The following FAM117A variants were observed in gnomAD, a reference collection of about 807,000 sequenced individuals.
FAM117A encodes protein FAM117A.
Under a neutral mutation model 44.1 loss-of-function variants are expected in FAM117A, and 21 were observed. The observed-to-expected ratio is 0.48, with a 90% CI of 0.34 to 0.69. The LOEUF is 0.69. Among genes scored for constraint, FAM117A ranks in the 30% least tolerant of loss-of-function variants. The probability of loss-of-function intolerance (pLI) is 0.01; values close to 1 mark genes in which losing one functional copy is unlikely to be tolerated. For missense variants in FAM117A, 498 were observed against 589.9 expected, an observed-to-expected ratio of 0.84 and a Z score of 1.61; for synonymous variants, 220 against 238.3, an observed-to-expected ratio of 0.92 and a Z score of 0.71.
chr17:49,764,438 C>A (rs935505199), upstream of FAM117A, among the ~76,000 whole-genome samples: 3 of 151,572 alleles, frequency 2.0e-5, no homozygotes, highest in African/African-American at 7.3e-5. Context: ...CACACCCAGT[C>A]CCAGGTAGTA....
chr17:49,773,910 C>T (rs891929007), intron 1 of FAM117A, among the ~76,000 whole-genome samples: 7 of 152,044 alleles, frequency 4.6e-5, no homozygotes, highest in Admixed American at 3.3e-4. Context: ...TGCGCCACCA[C>T]GCCCAGCTAA....
At chr17:49,746,610 T>TA (rs2073655284) in intron 1 of FAM117A, among the ~76,000 whole-genome samples, 1 of 152,206 alleles carries the variant, frequency 6.6e-6, no homozygotes, top group Non-Finnish European at 1.5e-5. Context: ...ATAGGCAGAA[T>TA]TAAGAGCTTC....
At chr17:49,740,453 G>T (rs922998377) in intron 1 of FAM117A, among the ~76,000 whole-genome samples, 3 of 152,160 alleles carry the variant, frequency 2.0e-5, no homozygotes, top group East Asian at 1.9e-4. Flanking sequence ...GTTTCACCGT[G>T]TTAGCCAGGA....
intron 1 of FAM117A, among the ~76,000 whole-genome samples, chr17:49,781,970 T>A (rs1286892938): frequency 6.7e-6 from 1 of 150,046 alleles, no homozygotes; most frequent in Non-Finnish European, 1.5e-5. Flanking sequence ...AGCAAGATCC[T>A]GTCTCAAAAA....
chr17:49,753,825 A>G (rs891854825), intron 1 of FAM117A, among the ~76,000 whole-genome samples: 1 of 152,086 alleles, frequency 6.6e-6, no homozygotes, highest in Non-Finnish European at 1.5e-5. Context: ...AATGCTATCT[A>G]TATTCTCCAT....
intron 2 of FAM117A, among the ~76,000 whole-genome samples, chr17:49,731,862 T>G (rs946763824): frequency 6.6e-6 from 1 of 152,206 alleles, no homozygotes; most frequent in Admixed American, 6.5e-5. Flanking sequence ...CTCAGCTCAC[T>G]GCAACCTCTC....
upstream of FAM117A, among the ~76,000 whole-genome samples, chr17:49,766,661 C>T (rs563814270): frequency 6.6e-6 from 1 of 152,336 alleles, no homozygotes; most frequent in Admixed American, 6.5e-5. Context: ...AATTCTCAAT[C>T]TTAGGAGATG....
intron 5 of FAM117A, 33 bp from the exon 6 acceptor site, chr17:49,717,747 C>G (rs775644452): frequency 3.2e-6 from 5 of 1,544,580 alleles, no homozygotes; most frequent in Non-Finnish European, 4.4e-6. Flanking sequence ...ACTGTCAGCC[C>G]TGAGTATTTC....
intron 1 of FAM117A, among the ~76,000 whole-genome samples, chr17:49,786,331 GGATAA>G (rs2041629184): frequency 4.6e-5 from 7 of 152,330 alleles, no homozygotes; most frequent in Admixed American, 3.9e-4. Flanking sequence ...ATGCAAGTCA[GGATAA>G]GATCTTATTC....
chr17:49,716,048 T>C, intron 7 of FAM117A, 117 bp downstream of exon 7: 8 of 1,139,296 alleles, frequency 7.0e-6, no homozygotes, highest in Non-Finnish European at 1.0e-5. Flanking sequence ...AAGCTGGCAA[T>C]ACTTATCATC....
At chr17:49,761,695 C>A (rs1368931032) in intron 1 of FAM117A, among the ~76,000 whole-genome samples, 2 of 152,180 alleles carry the variant, frequency 1.3e-5, no homozygotes, top group African/African-American at 4.8e-5. Context: ...CTAGAAAAAA[C>A]CACCTCTGGT....
chr17:49,720,204 C>T (rs2073526872), intron 4 of FAM117A, 122 bp downstream of exon 4: 1 of 799,926 alleles, frequency 1.3e-6, no homozygotes, highest in South Asian at 1.7e-5. Context: ...TGGACTAAAA[C>T]TTCACAAAGC....
At chr17:49,756,881 C>T (rs2073700835) in intron 1 of FAM117A, among the ~76,000 whole-genome samples, 1 of 148,068 alleles carries the variant, frequency 6.8e-6, no homozygotes, top group African/African-American at 2.5e-5. Context: ...CACGCCACTG[C>T]ACTCCAGCTT....
chr17:49,752,772 C>T (rs2073682539), intron 1 of FAM117A, among the ~76,000 whole-genome samples: 1 of 152,172 alleles, frequency 6.6e-6, no homozygotes. Context: ...CATCATCTTC[C>T]AACTACTCAC....
At chr17:49,772,885 T>C (rs1383111270) in intron 1 of FAM117A, among the ~76,000 whole-genome samples, 1 of 151,600 alleles carries the variant, frequency 6.6e-6, no homozygotes, top group Non-Finnish European at 1.5e-5. Flanking sequence ...AAAAATATCA[T>C]TTATGGCCAG....
intron 1 of FAM117A, among the ~76,000 whole-genome samples, chr17:49,759,838 C>T (rs1375012916): frequency 6.6e-6 from 1 of 152,158 alleles, no homozygotes; most frequent in East Asian, 1.9e-4. Context: ...TATAAATTAC[C>T]CTTCTTATAT....
chr17:49,736,105 C>T (rs972912968), intron 1 of FAM117A, among the ~76,000 whole-genome samples: 5 of 152,012 alleles, frequency 3.3e-5, no homozygotes, highest in Admixed American at 6.6e-5. Flanking sequence ...TGTATATATA[C>T]GCTTTACAAT....
chr17:49,758,628 AAAAAAAAAT>A (rs1173746172), intron 1 of FAM117A, among the ~76,000 whole-genome samples: 1,461 of 127,332 alleles, frequency 0.011, 34 homozygotes, highest in African/African-American at 0.042. Context: ...TCTCAAAAAA[AAAAAAAAAT>A]AAAATAAATA....
intron 1 of FAM117A, among the ~76,000 whole-genome samples, chr17:49,771,542 G>GT (rs2073761098): frequency 6.6e-6 from 1 of 152,064 alleles, no homozygotes; most frequent in Non-Finnish European, 1.5e-5. Flanking sequence ...AGGAGAGCAG[G>GT]TATGTCTTGG....
Sources: gnomAD v4.1 joint callset for allele counts (sites outside exome capture counted in the v4.1 genomes callset) on GRCh38, gnomAD v4.1.1 for gene constraint, MANE v1.5 for transcripts, NCBI Gene and HGNC (gene_info 2026-07-23, HGNC 2026-07-21) for gene names.